UTRN: variants seen among roughly 807,000 people sequenced by gnomAD.
UTRN encodes utrophin.
UTRN carries 283 observed loss-of-function variants against 463.9 expected under a neutral mutation model. The ratio of observed to expected loss-of-function variants is 0.61; its 90% CI spans 0.55 to 0.67. The LOEUF is 0.67. Ranked by LOEUF, UTRN falls within the 30% of genes least tolerant of loss-of-function variation. The pLI, the probability that UTRN is intolerant of heterozygous loss-of-function variation, is 0.00. For missense variants in UTRN, 3,922 were observed against 4,084.3 expected (o/e 0.96, Z 1.08); for synonymous variants, 1,442 against 1,431.5 (o/e 1.01, Z -0.17).
chr6:144,678,360 A>G, intron 51 of UTRN, 46 bp from the exon 52 acceptor site: 4 of 1,572,442 alleles, frequency 2.5e-6, no homozygotes, highest in Non-Finnish European at 3.5e-6. Context: ...ATAAAGATAT[A>G]CTGATTCCTA....
At chr6:144,376,955 T>G (rs574501026) in intron 2 of UTRN, among the ~76,000 whole-genome samples, 7 of 152,322 alleles carry the variant, frequency 4.6e-5, no homozygotes, top group Non-Finnish European at 7.4e-5. Context: ...GCACCCTGTT[T>G]GTCACAATAA....
chr6:144,621,982 AG>A (rs2128647969), intron 51 of UTRN, among the ~76,000 whole-genome samples: 1 of 151,312 alleles, frequency 6.6e-6, no homozygotes, highest in Admixed American at 6.6e-5. Flanking sequence ...GTTTATTTAA[AG>A]CTCTTGCTTA....
intron 49 of UTRN, among the ~76,000 whole-genome samples, chr6:144,555,535 C>T (rs142242635): frequency 1.5e-3 from 236 of 152,264 alleles, no homozygotes; most frequent in African/African-American, 5.5e-3. Context: ...TGGGTTCCAG[C>T]GATTCTTGCC....
intron 2 of UTRN, among the ~76,000 whole-genome samples, chr6:144,379,602 A>G (rs1780738032): frequency 6.6e-6 from 1 of 152,224 alleles, no homozygotes; most frequent in South Asian, 2.1e-4. Flanking sequence ...TTTTAGTCTC[A>G]AAAGTCCGAC....
chr6:144,631,721 A>G (rs1195195672), intron 51 of UTRN, among the ~76,000 whole-genome samples: 2 of 152,060 alleles, frequency 1.3e-5, no homozygotes, highest in African/African-American at 4.8e-5. Flanking sequence ...TTCACATTTC[A>G]TATTTGGGAG....
chr6:144,545,123 C>T (rs1408081920), intron 46 of UTRN, among the ~76,000 whole-genome samples: 2 of 152,174 alleles, frequency 1.3e-5, no homozygotes, highest in Admixed American at 6.5e-5. Flanking sequence ...AATTAATATT[C>T]AATCCATCAG....
intron 2 of UTRN, among the ~76,000 whole-genome samples, chr6:144,306,471 A>T (rs1005951791): frequency 6.6e-6 from 1 of 152,090 alleles, no homozygotes; most frequent in Admixed American, 6.6e-5. Flanking sequence ...TGGTCTTCAG[A>T]TGATGGGTGG....
chr6:144,707,835 A>ATG (rs142798261), intron 53 of UTRN, among the ~76,000 whole-genome samples: 21 of 152,002 alleles, frequency 1.4e-4, no homozygotes, highest in Non-Finnish European at 5.9e-5. Context: ...GTAAGAGTGA[A>ATG]TGTGTGTGTG....
At chr6:144,424,301 A>G (rs879291660) in intron 6 of UTRN, among the ~76,000 whole-genome samples, 3 of 152,070 alleles carry the variant, frequency 2.0e-5, no homozygotes, top group South Asian at 2.1e-4. Flanking sequence ...CTTGCCCCCA[A>G]ATTCTGGTGG....
intron 51 of UTRN, among the ~76,000 whole-genome samples, chr6:144,592,068 A>G (rs1008002022): frequency 2.0e-5 from 3 of 152,184 alleles, no homozygotes; most frequent in African/African-American, 4.8e-5. Flanking sequence ...CTAGGATTTT[A>G]TAGCCTTCCT....
intron 2 of UTRN, among the ~76,000 whole-genome samples, chr6:144,383,232 C>T (rs1209418998): frequency 6.6e-6 from 1 of 152,178 alleles, no homozygotes; most frequent in African/African-American, 2.4e-5. Context: ...GCGCCCAGGC[C>T]ATTTCAGCCT....
intron 51 of UTRN, among the ~76,000 whole-genome samples, chr6:144,651,817 A>AT (rs899534610): frequency 8.6e-5 from 13 of 151,062 alleles, no homozygotes; most frequent in Admixed American, 2.6e-4. Flanking sequence ...TCTTTACAGT[A>AT]TTTTTTTTTA....
At chr6:144,760,057 T>C (rs1243191681) in intron 58 of UTRN, among the ~76,000 whole-genome samples, 1 of 152,174 alleles carries the variant, frequency 6.6e-6, no homozygotes, top group Non-Finnish European at 1.5e-5. Flanking sequence ...TGATTATCTG[T>C]GTGGTTTGGG....
intron 53 of UTRN, among the ~76,000 whole-genome samples, chr6:144,712,139 T>A (rs1340601214): frequency 1.3e-5 from 2 of 152,318 alleles, no homozygotes; most frequent in East Asian, 3.9e-4. Flanking sequence ...ATTTTCCAAG[T>A]TCCTCTCCAA....
At chr6:144,502,939 T>C (rs1248764244) in intron 34 of UTRN, among the ~76,000 whole-genome samples, 2 of 152,196 alleles carry the variant, frequency 1.3e-5, no homozygotes, top group African/African-American at 2.4e-5. Context: ...TAATAATCGC[T>C]ATTCTACCTG....
chr6:144,420,174 G>A (rs1408124375), intron 3 of UTRN, among the ~76,000 whole-genome samples: 1 of 152,098 alleles, frequency 6.6e-6, no homozygotes, highest in Non-Finnish European at 1.5e-5. Flanking sequence ...GATAAAAGAA[G>A]TATTGGTTAA....
At chr6:144,845,426 A>C (rs138738835) in intron 73 of UTRN, among the ~76,000 whole-genome samples, 1 of 152,292 alleles carries the variant, frequency 6.6e-6, no homozygotes, top group African/African-American at 2.4e-5. Flanking sequence ...TTTACTATGA[A>C]TTGCCTATGT....
intron 23 of UTRN, 34 bp from the exon 24 acceptor site, chr6:144,473,686 A>T: frequency 1.3e-6 from 2 of 1,579,906 alleles, no homozygotes; most frequent in Non-Finnish European, 1.7e-6. Flanking sequence ...AACGTCACGA[A>T]GTAATATCCC....
At chr6:144,571,725 T>G (rs544091510) in intron 50 of UTRN, among the ~76,000 whole-genome samples, 1 of 152,198 alleles carries the variant, frequency 6.6e-6, no homozygotes, top group Non-Finnish European at 1.5e-5. Flanking sequence ...ATGTGTTTGT[T>G]TTACCTGAAA....
Sources: gnomAD v4.1 joint callset for allele counts (sites outside exome capture counted in the v4.1 genomes callset) on GRCh38, gnomAD v4.1.1 for gene constraint, MANE v1.5 for transcripts, NCBI Gene and HGNC (gene_info 2026-07-23, HGNC 2026-07-21) for gene names.